Variants in LURAP1L observed in about 807,000 individuals in gnomAD.
LURAP1L encodes the protein leucine rich adaptor protein 1-like.
LURAP1L carries 12 observed loss-of-function variants against 13.8 expected under a neutral mutation model. The ratio of observed to expected loss-of-function variants is 0.87; its 90% CI spans 0.56 to 1.41. LURAP1L has a LOEUF of 1.41. Ranked by LOEUF, LURAP1L falls within the 40% of genes most tolerant of loss-of-function variation. LURAP1L has a pLI of 0.00. For synonymous variants in LURAP1L, 139 were observed against 119.2 expected (o/e 1.17, Z -1.08); for missense variants, 375 against 292.9 (o/e 1.28, Z -2.04).
chr9:12,776,018 G>A lies in LURAP1L; in HGVS notation c.303G>A (p.Arg101=), dbSNP rs202004319. The change falls in exon 1 of 2, where the codon AGG becomes AGA. Residue 101 remains arginine (R), a synonymous_variant. Transcript: ENST00000319264. ...ERLETKLHLL[R]QEMVNLRATD... is the part of the protein sequence containing the mutation. ...TAGAAACCAAGCTTCACCTCCTCAG[G>A]CAAGAGATGGTGAGTGTGGTGCGCC... 37 of 1,612,694 alleles carry A rather than the reference G, an allele frequency of 2.3e-5. No individual in the cohort carries two copies. Among genetic ancestry groups the A allele is most frequent in the Non-Finnish European group, 3.1e-5 (36 of 1,179,602 alleles).
At chr9:12,781,625 G>A (rs1586874331) in intron 1 of LURAP1L, among the ~76,000 whole-genome samples, 1 of 152,184 alleles carries the variant, frequency 6.6e-6, no homozygotes, top group Admixed American at 6.5e-5. Flanking sequence ...ACTCTATTGT[G>A]CGTACGTACA....
intron 1 of LURAP1L, among the ~76,000 whole-genome samples, chr9:12,807,030 A>AAAG (rs1478551548): frequency 2.5e-5 from 3 of 119,084 alleles, no homozygotes; most frequent in African/African-American, 6.3e-5. Context: ...CAAAAAAAAA[A>AAAG]AAAAAAAAAA....
chr9:12,780,958 GTTA>G (rs1023414801), intron 1 of LURAP1L, among the ~76,000 whole-genome samples: 1 of 151,542 alleles, frequency 6.6e-6, no homozygotes, highest in African/African-American at 2.4e-5. Flanking sequence ...TACTCTTTTA[GTTA>G]TTATTATTAT....
rs985812971 is a variant in LURAP1L at position 12,803,167 on chromosome 9, G to A, written c.313-18219G>A. 2.0e-5 allele frequency among the ~76,000 whole-genome samples: 3 copies of A among 152,190 alleles called. No homozygotes were observed. The South Asian group carries it at 6.2e-4, about 31-fold the overall frequency. On this transcript the variant is annotated intron_variant, in intron 1 of 1. Coordinates refer to ENST00000319264, the MANE Select transcript of LURAP1L (RefSeq NM_203403.2). ...GAACCACTGCACTGGAAGTGTTCAT[G>A]CTTACCACCTCTTTGTCACTTGTCT... is the stretch of plus-strand genomic sequence containing the variant.
chr9:12,776,274 G>A (rs1819182007), intron 1 of LURAP1L, among the ~76,000 whole-genome samples: 1 of 152,158 alleles, frequency 6.6e-6, no homozygotes. Context: ...GCTCCACTCT[G>A]TGTACTTTCG....
At chr9:12,797,522 G>A (rs1038307034) in intron 1 of LURAP1L, among the ~76,000 whole-genome samples, 1 of 152,088 alleles carries the variant, frequency 6.6e-6, no homozygotes, top group African/African-American at 2.4e-5. Context: ...TATATGGATT[G>A]TATTTTTAAA....
chr9:12,796,961 T>C (rs542994762), intron 1 of LURAP1L, among the ~76,000 whole-genome samples: 2 of 152,102 alleles, frequency 1.3e-5, no homozygotes, highest in South Asian at 2.1e-4. Context: ...AAAGTACCTG[T>C]CATTGTACCT....
intron 1 of LURAP1L, among the ~76,000 whole-genome samples, chr9:12,790,302 T>G (rs1388214662): frequency 6.6e-6 from 1 of 152,176 alleles, no homozygotes; most frequent in Non-Finnish European, 1.5e-5. Flanking sequence ...AGGACAGAGC[T>G]GTGACTAATC....
At chr9:12,798,844 AC>A (rs369531531) in intron 1 of LURAP1L, among the ~76,000 whole-genome samples, 114 of 152,270 alleles carry the variant, frequency 7.5e-4, no homozygotes, top group African/African-American at 2.6e-3. Context: ...TGTGCGAGTG[AC>A]CCTTGCTTGC....
rs377110022 is a variant in LURAP1L at position 12,821,799 on chromosome 9, G to C, written c.*39G>C. 10 of 1,563,612 alleles carry C rather than the reference G, an allele frequency of 6.4e-6. No homozygotes were observed. Among genetic ancestry groups the C allele is most frequent in the African/African-American group, 1.4e-5 (1 of 73,212 alleles). ...CATGGGACTGGTGTGCAATGAACTT[G>C]TATTTATCCTTCTTCTCCGCTGCTA... is the stretch of plus-strand genomic sequence containing the variant. On this transcript the variant is annotated 3_prime_UTR_variant, in exon 2 of 2. Coordinates refer to ENST00000319264, the MANE Select transcript of LURAP1L (RefSeq NM_203403.2).
intron 1 of LURAP1L, among the ~76,000 whole-genome samples, chr9:12,779,655 G>T (rs1026690715): frequency 5.9e-5 from 9 of 152,146 alleles, no homozygotes; most frequent in African/African-American, 2.2e-4. Context: ...AATGCTGAAG[G>T]TAGTAAGTGG....
At chr9:12,776,304 C>T (rs1199984113) in intron 1 of LURAP1L, among the ~76,000 whole-genome samples, 1 of 152,176 alleles carries the variant, frequency 6.6e-6, no homozygotes, top group Non-Finnish European at 1.5e-5. Context: ...ACTCACTGCG[C>T]CGGGCTCTAT....
At chr9:12,812,200 G>C (rs1163199426) in intron 1 of LURAP1L, among the ~76,000 whole-genome samples, 2 of 152,194 alleles carry the variant, frequency 1.3e-5, no homozygotes, top group African/African-American at 2.4e-5. Flanking sequence ...ACCAGGATAG[G>C]GAACTACGTA....
chr9:12,787,068 G>A (rs1169658374), intron 1 of LURAP1L, among the ~76,000 whole-genome samples: 1 of 152,050 alleles, frequency 6.6e-6, no homozygotes, highest in Admixed American at 6.6e-5. Context: ...TTATTAAAAT[G>A]ATACATATTA....
chr9:12,797,382 C>A (rs537996040), intron 1 of LURAP1L, among the ~76,000 whole-genome samples: 12 of 152,120 alleles, frequency 7.9e-5, no homozygotes, highest in African/African-American at 2.6e-4. Context: ...GCAGCACACA[C>A]AAAATGTTAG....
Position 12,821,626 on chromosome 9 carries a change from A to T in LURAP1L, c.553A>T (p.Thr185Ser). 2 of 1,614,200 alleles carry T rather than the reference A, an allele frequency of 1.2e-6. No individual in the cohort carries two copies. The highest frequency in any genetic ancestry group is 2.2e-5 in the East Asian group (1 of 44,878). Reference sequence around the variant, plus strand: ...CATTTCCGTGGGAAGTTATCTGGACACGTTGGCGGATGATGTCCCAGGCCA... The same window carrying T: ...CATTTCCGTGGGAAGTTATCTGGACTCGTTGGCGGATGATGTCCCAGGCCA... ...DGISVGSYLD[T>S]LADDVPGHQT... The change falls in exon 2 of 2, where the codon ACG becomes TCG. Residue 185 changes from threonine to serine, a missense_variant. Coordinates refer to ENST00000319264, the MANE Select transcript of LURAP1L (RefSeq NM_203403.2).
In LURAP1L at chr9:12,821,458, A is replaced by G. The variant is rs1563901240; in HGVS notation, c.385A>G (p.Lys129Glu). The change falls in exon 2 of 2, where the codon AAG (lysine) becomes GAG (glutamate). Residue 129 changes from lysine (K) to glutamate (E), a missense_variant. Coordinates refer to ENST00000319264, the MANE Select transcript of LURAP1L (RefSeq NM_203403.2). ...AATCAATGAGAGCATCGAGTCCATC[A>G]AGTGGATGATCGAAGAAAAAGCCAC... ...LVINESIESIKWMIEEKATIT... is the reference protein window; with the variant it reads ...LVINESIESIEWMIEEKATIT... 1 of 1,614,132 alleles carries G rather than the reference A, an allele frequency of 6.2e-7. No homozygotes were observed. Among genetic ancestry groups the G allele is most frequent in the Non-Finnish European group, 8.5e-7 (1 of 1,180,020 alleles).
In LURAP1L at chr9:12,821,913, A is replaced by G. The variant is rs118188417; in HGVS notation, c.*153A>G. 21,728 of 795,604 alleles carry G rather than the reference A, an allele frequency of 0.027. 378 individuals carry two copies. Among genetic ancestry groups the G allele is most frequent in the Non-Finnish European group, 0.032 (16,085 of 506,680 alleles). 49.3% of individuals were successfully genotyped at this position (795,604 alleles called of 1,614,324 possible). On this transcript the variant is annotated 3_prime_UTR_variant, in exon 2 of 2. Coordinates refer to ENST00000319264, the MANE Select transcript of LURAP1L (RefSeq NM_203403.2). ...GCTTAATGGTATTGCTGTTGCTCCT[A>G]ATACTTCTCATCTGAGCTGATTTAT...
chr9:12,783,714 T>A (rs551647500), intron 1 of LURAP1L, among the ~76,000 whole-genome samples: 4 of 152,120 alleles, frequency 2.6e-5, no homozygotes, highest in Non-Finnish European at 4.4e-5. Flanking sequence ...AATACTGGCC[T>A]AATAGACTGA....
Sources: gnomAD v4.1 joint callset for allele counts (sites outside exome capture counted in the v4.1 genomes callset) on GRCh38, gnomAD v4.1.1 for gene constraint, MANE v1.5 for transcripts, NCBI Gene and HGNC (gene_info 2026-07-23, HGNC 2026-07-21) for gene names.